PDE4D: variants seen among roughly 807,000 people sequenced by gnomAD.
The protein encoded by PDE4D is 3',5'-cyclic-AMP phosphodiesterase 4D.
Under a neutral mutation model 87.4 loss-of-function variants are expected in PDE4D, and 24 were observed. That is an observed-to-expected ratio of 0.27 (90% CI 0.20 to 0.39). The LOEUF is 0.39. Among genes scored for constraint, PDE4D ranks in the 10% least tolerant of loss-of-function variants. PDE4D has a pLI of 1.00. For missense variants in PDE4D, 714 were observed against 1,041.0 expected, an observed-to-expected ratio of 0.69 and a Z score of 4.32; for synonymous variants, 384 against 383.2, an observed-to-expected ratio of 1.00 and a Z score of -0.02.
chr5:59,041,291 A>G (rs1759648802), intron 5 of PDE4D, among the ~76,000 whole-genome samples: 1 of 152,236 alleles, frequency 6.6e-6, no homozygotes, highest in Non-Finnish European at 1.5e-5. Context: ...ACACAAATAT[A>G]GGAAGTCCAT....
intron 1 of PDE4D, among the ~76,000 whole-genome samples, chr5:60,518,902 T>C (rs982741614): frequency 1.1e-4 from 16 of 152,222 alleles, no homozygotes; most frequent in African/African-American, 3.9e-4. Context: ...ACAGATGGTA[T>C]TTTGCAGACC....
intron 3 of PDE4D, among the ~76,000 whole-genome samples, chr5:59,901,318 A>G (rs931241290): frequency 1.3e-5 from 2 of 152,206 alleles, no homozygotes; most frequent in African/African-American, 4.8e-5. Context: ...ATTTCAGTTA[A>G]TATCATCCTA....
At chr5:60,419,147 T>A (rs957047284) in intron 1 of PDE4D, among the ~76,000 whole-genome samples, 10 of 152,132 alleles carry the variant, frequency 6.6e-5, no homozygotes, top group African/African-American at 2.4e-4. Flanking sequence ...TATGAATGTA[T>A]CCTACAGATA....
intron 1 of PDE4D, among the ~76,000 whole-genome samples, chr5:59,876,064 CAT>C (rs928109229): frequency 2.0e-5 from 3 of 152,174 alleles, no homozygotes; most frequent in African/African-American, 7.2e-5. Context: ...CCCCATGACA[CAT>C]GTTTGCCTAT....
At chr5:59,240,905 T>C (rs1757534763) in intron 1 of PDE4D, among the ~76,000 whole-genome samples, 1 of 152,148 alleles carries the variant, frequency 6.6e-6, no homozygotes, top group African/African-American at 2.4e-5. Context: ...ATGACCCTAC[T>C]GCTATTTAGT....
At chr5:60,304,651 C>CAAAAAAAAAAA (rs70975379) in intron 1 of PDE4D, among the ~76,000 whole-genome samples, 5 of 60,062 alleles carry the variant, frequency 8.3e-5, no homozygotes, top group African/African-American at 3.9e-4. Flanking sequence ...GACTCCGTCT[C>CAAAAAAAAAAA]AAAAAAAAAA....
chr5:60,159,911 G>A (rs188473880), intron 2 of PDE4D, among the ~76,000 whole-genome samples: 11 of 152,192 alleles, frequency 7.2e-5, no homozygotes, highest in Non-Finnish European at 1.3e-4. Context: ...GTGAATGAGC[G>A]TCATTTGAAA....
intron 2 of PDE4D, among the ~76,000 whole-genome samples, chr5:60,012,740 A>G (rs777864663): frequency 1.3e-5 from 2 of 152,178 alleles, no homozygotes; most frequent in Admixed American, 6.5e-5. Context: ...GGAAAACATC[A>G]TATTCTCAAG....
At chr5:59,379,908 T>G (rs1785436696) in intron 1 of PDE4D, among the ~76,000 whole-genome samples, 1 of 152,142 alleles carries the variant, frequency 6.6e-6, no homozygotes, top group Non-Finnish European at 1.5e-5. Context: ...ATGCTGAGGT[T>G]TGGGGCAGTG....
At chr5:59,832,126 T>G (rs1561734012) in intron 1 of PDE4D, among the ~76,000 whole-genome samples, 1 of 152,088 alleles carries the variant, frequency 6.6e-6, no homozygotes, top group East Asian at 1.9e-4. Flanking sequence ...AAGTGCGGGA[T>G]CGAAAAATCA....
At chr5:60,460,658 A>G in intron 1 of PDE4D, 2 of 1,141,156 alleles carry the variant, frequency 1.8e-6, no homozygotes, top group Non-Finnish European at 2.6e-6. Flanking sequence ...GCAGAGGCCA[A>G]TGTCTCCTCC....
At chr5:60,437,100 T>C (rs1473656055) in intron 1 of PDE4D, among the ~76,000 whole-genome samples, 1 of 152,068 alleles carries the variant, frequency 6.6e-6, no homozygotes, top group Non-Finnish European at 1.5e-5. Flanking sequence ...CCCCACATCA[T>C]TTCCTCATCT....
intron 3 of PDE4D, among the ~76,000 whole-genome samples, chr5:59,943,343 C>A (rs992322031): frequency 6.6e-6 from 1 of 152,068 alleles, no homozygotes; most frequent in Non-Finnish European, 1.5e-5. Flanking sequence ...CTTTGTCCTT[C>A]TGCTGTACTC....
intron 1 of PDE4D, among the ~76,000 whole-genome samples, chr5:59,388,647 A>ACACACACACACACACACT (rs1243102888): frequency 2.0e-5 from 3 of 151,390 alleles, no homozygotes; most frequent in South Asian, 4.2e-4. Flanking sequence ...ACACACACAC[A>ACACACACACACACACACT]CTCACACACT....
chr5:59,649,417 G>A (rs1240193729), intron 1 of PDE4D, among the ~76,000 whole-genome samples: 1 of 152,128 alleles, frequency 6.6e-6, no homozygotes, highest in Non-Finnish European at 1.5e-5. Context: ...GCAGGGCAGA[G>A]TGGTGAATGG....
chr5:59,002,053 T>C (rs1750649004), intron 6 of PDE4D: 1 of 517,078 alleles, frequency 1.9e-6, no homozygotes, highest in Non-Finnish European at 3.9e-6. Flanking sequence ...TCTTTCAGTT[T>C]ATTCCTTACC....
At chr5:59,683,135 T>A (rs1580388294) in intron 1 of PDE4D, among the ~76,000 whole-genome samples, 1 of 152,134 alleles carries the variant, frequency 6.6e-6, no homozygotes, top group East Asian at 1.9e-4. Context: ...TTAGGAATTA[T>A]TTAAGTATTT....
At chr5:58,991,035 C>A in intron 8 of PDE4D, 133 bp from the exon 9 acceptor site, 1 of 599,772 alleles carries the variant, frequency 1.7e-6, no homozygotes, top group East Asian at 2.8e-5. Context: ...AATCCCAGAA[C>A]TTTGGGAGGC....
At chr5:60,121,747 G>A (rs142324815) in intron 2 of PDE4D, among the ~76,000 whole-genome samples, 2,890 of 152,128 alleles carry the variant, frequency 0.019, 97 homozygotes, top group African/African-American at 0.059. Flanking sequence ...CAAATCTCAC[G>A]TCCTCACATT....
Sources: allele counts gnomAD v4.1 joint callset (sites outside exome capture counted in the v4.1 genomes callset), GRCh38; gene constraint gnomAD v4.1.1; transcripts MANE v1.5; gene names NCBI Gene and HGNC (gene_info 2026-07-23, HGNC 2026-07-21).